Variants in CCDC91 observed in about 807,000 individuals in gnomAD.
CCDC91 encodes coiled-coil domain containing 91.
Under a neutral mutation model 63.2 loss-of-function variants are expected in CCDC91, and 48 were observed. The observed-to-expected ratio is 0.76, with a 90% CI of 0.60 to 0.97. CCDC91 has a LOEUF of 0.97. Among genes scored for constraint, CCDC91 ranks in the 50% least tolerant of loss-of-function variants. The pLI is 0.00. For synonymous variants in CCDC91, 167 were observed against 165.8 expected (o/e 1.01, Z -0.06); for missense variants, 500 against 494.6 (o/e 1.01, Z -0.10).
At chr12:28,489,709 TCA>T (rs1459113981) in intron 12 of CCDC91, among the ~76,000 whole-genome samples, 1 of 151,892 alleles carries the variant, frequency 6.6e-6, no homozygotes, top group African/African-American at 2.4e-5. Flanking sequence ...TTTCTTTACT[TCA>T]AAGGTTTTGT....
chr12:28,201,237 C>T (rs879019036), intron 1 of CCDC91, among the ~76,000 whole-genome samples: 2 of 146,630 alleles, frequency 1.4e-5, no homozygotes, highest in East Asian at 2.0e-4. Flanking sequence ...TCAGACGGGG[C>T]GGCTGCAGGG....
chr12:28,266,573 C>T (rs1372686315), intron 3 of CCDC91, among the ~76,000 whole-genome samples: 3 of 151,804 alleles, frequency 2.0e-5, no homozygotes, highest in Non-Finnish European at 4.4e-5. Flanking sequence ...AACTATAATT[C>T]TTAAGAGAAA....
rs1565938484 is a variant in CCDC91 at position 28,416,061 on chromosome 12, G to T, written c.762+24650G>T. Among the ~76,000 whole-genome samples the T allele has an allele frequency of 3.3e-5, 5 of 151,712 alleles. No individual in the cohort carries two copies. The South Asian group carries it at 1.0e-3, about 32-fold the overall frequency. On this transcript the variant is annotated intron_variant, in intron 8 of 12. Coordinates refer to ENST00000536442, the MANE Select transcript of CCDC91 (RefSeq NM_018318.5). The stretch of plus-strand genomic sequence containing the variant: ...TTAGCGTTTTTTGTTATATTTAGAT[G>T]AGGAGTCAGCACCTAGACAGCACTC...
chr12:28,520,538 G>T (rs1940512424), intron 12 of CCDC91, among the ~76,000 whole-genome samples: 1 of 152,068 alleles, frequency 6.6e-6, no homozygotes, highest in South Asian at 2.1e-4. Context: ...TCACTCTGAT[G>T]GTAGTTTCTT....
intron 6 of CCDC91, among the ~76,000 whole-genome samples, chr12:28,342,380 G>A (rs1328810535): frequency 6.6e-6 from 1 of 152,142 alleles, no homozygotes; most frequent in African/African-American, 2.4e-5. Flanking sequence ...GACAGCAATG[G>A]AAAACTAATA....
At chr12:28,525,978 G>A (rs1592957784) in intron 12 of CCDC91, among the ~76,000 whole-genome samples, 2 of 152,082 alleles carry the variant, frequency 1.3e-5, no homozygotes, top group Non-Finnish European at 1.5e-5. Flanking sequence ...TTAAGTTTGT[G>A]TGAGTCCATA....
At chr12:28,479,465 G>T (rs1318320955) in intron 11 of CCDC91, among the ~76,000 whole-genome samples, 2 of 152,030 alleles carry the variant, frequency 1.3e-5, no homozygotes, top group African/African-American at 4.8e-5. Context: ...GGCCTGTTGT[G>T]GGGTAGGGGG....
At chr12:28,274,275 G>A (rs1055435770) in intron 3 of CCDC91, among the ~76,000 whole-genome samples, 3 of 152,160 alleles carry the variant, frequency 2.0e-5, no homozygotes, top group African/African-American at 7.2e-5. Flanking sequence ...CAGGTAGCAT[G>A]ATGCCTCCAG....
At chr12:28,500,886 A>G (rs912040108) in intron 12 of CCDC91, among the ~76,000 whole-genome samples, 1 of 151,700 alleles carries the variant, frequency 6.6e-6, no homozygotes, top group African/African-American at 2.4e-5. Context: ...TTAGAGTCTG[A>G]TAAGTGTATG....
chr12:28,526,795 A>G lies in CCDC91; in HGVS notation c.1216-22268A>G, dbSNP rs867926047. On this transcript the variant is annotated intron_variant, in intron 12 of 12. Coordinates refer to ENST00000536442, the MANE Select transcript of CCDC91 (RefSeq NM_018318.5). ...CCCAGACTTCTTGGAGTCTTTGTTCATATTTTCTTATTCTTTTTTCTTTGT... is the reference window on the plus strand; with the variant it reads ...CCCAGACTTCTTGGAGTCTTTGTTCGTATTTTCTTATTCTTTTTTCTTTGT... 6.6e-5 allele frequency among the ~76,000 whole-genome samples: 10 copies of G among 151,962 alleles called. 1 individual carries two copies. In the South Asian group the frequency reaches 1.2e-3, roughly 19 times the overall value.
chr12:28,415,078 A>G (rs1391937531), intron 8 of CCDC91, among the ~76,000 whole-genome samples: 1 of 152,162 alleles, frequency 6.6e-6, no homozygotes. Context: ...ACATTTTGGT[A>G]ATATTATGGG....
At position 28,463,532 on chromosome 12, in the gene CCDC91, A is replaced by T. The variant is rs148393898; in HGVS notation, c.1101+10878A>T. Among the ~76,000 whole-genome samples the T allele has an allele frequency of 3.5e-3, 527 of 152,328 alleles. 9 individuals are homozygous for T. Among genetic ancestry groups the T allele is most frequent in the Non-Finnish European group, 2.0e-3 (135 of 68,028 alleles). ...TTTAGAAGTTGCTGGAATACTTGAC[A>T]TGCATGAAGAGGGCAGCATAGCCCA... is the stretch of plus-strand genomic sequence containing the variant. On this transcript the variant is annotated intron_variant, in intron 11 of 12. Coordinates refer to ENST00000536442, the MANE Select transcript of CCDC91 (RefSeq NM_018318.5).
chr12:28,446,594 C>G (rs1949511846), intron 8 of CCDC91, among the ~76,000 whole-genome samples: 1 of 152,080 alleles, frequency 6.6e-6, no homozygotes, highest in Admixed American at 6.5e-5. Context: ...TCCCAAGTAG[C>G]TGGGACTACA....
At chr12:28,466,269 A>C (rs1389106766) in intron 11 of CCDC91, among the ~76,000 whole-genome samples, 1 of 152,182 alleles carries the variant, frequency 6.6e-6, no homozygotes, top group Admixed American at 6.5e-5. Flanking sequence ...GAGGAGATAG[A>C]GAAAGAGATG....
chr12:28,251,113 G>A (rs992235376), intron 1 of CCDC91, among the ~76,000 whole-genome samples: 21 of 152,110 alleles, frequency 1.4e-4, no homozygotes, highest in African/African-American at 4.8e-4. Flanking sequence ...GTATTATTGC[G>A]ACTGTGAGGA....
chr12:28,443,214 A>T (rs1949323233), intron 8 of CCDC91, among the ~76,000 whole-genome samples: 2 of 151,350 alleles, frequency 1.3e-5, no homozygotes, highest in African/African-American at 4.8e-5. Flanking sequence ...GTTAATTAGG[A>T]TAATCCAGAA....
chr12:28,305,874 C>A, intron 4 of CCDC91, 68 bp downstream of exon 4: 1 of 1,330,796 alleles, frequency 7.5e-7, no homozygotes, highest in Non-Finnish European at 1.0e-6. Flanking sequence ...TTAATTGTTG[C>A]TTTTTTAATT....
intron 12 of CCDC91, among the ~76,000 whole-genome samples, chr12:28,486,216 A>T (rs1951717403): frequency 6.6e-6 from 1 of 152,198 alleles, no homozygotes; most frequent in Non-Finnish European, 1.5e-5. Context: ...ACTCTGTATA[A>T]GTGAAACCAT....
chr12:28,452,965 T>G (rs1203138391), intron 11 of CCDC91, among the ~76,000 whole-genome samples: 1 of 151,882 alleles, frequency 6.6e-6, no homozygotes, highest in Admixed American at 6.6e-5. Context: ...TTGTTTTTCC[T>G]TTTCTCATAC....
Sources: gnomAD v4.1 joint callset for allele counts (sites outside exome capture counted in the v4.1 genomes callset) on GRCh38, gnomAD v4.1.1 for gene constraint, MANE v1.5 for transcripts, NCBI Gene and HGNC (gene_info 2026-07-23, HGNC 2026-07-21) for gene names.